Variants in POU2AF2 observed in about 807,000 individuals in gnomAD.
The protein encoded by POU2AF2 is POU domain class 2-associating factor 2.
At chr11:111,268,840 A>T in the POU2AF2 span, among the ~76,000 whole-genome samples, 1 of 151,762 alleles carries the variant, frequency 6.6e-6, no homozygotes, top group Non-Finnish European at 1.5e-5. Flanking sequence ...GAGCCACCGC[A>T]CCCAGCCTCT....
chr11:111,276,439 G>GAAAAAAAAA, the POU2AF2 span, among the ~76,000 whole-genome samples: 15 of 44,440 alleles, frequency 3.4e-4, no homozygotes, highest in African/African-American at 1.0e-3. Context: ...CTACTAAAAA[G>GAAAAAAAAA]AAAAAAAAAA....
the POU2AF2 span, among the ~76,000 whole-genome samples, chr11:111,265,696 G>A: frequency 6.6e-6 from 1 of 152,064 alleles, no homozygotes; most frequent in African/African-American, 2.4e-5. Flanking sequence ...CTCAGCAAAG[G>A]TGTGCCACAC....
the POU2AF2 span, chr11:111,281,528 C>T: frequency 7.1e-7 from 1 of 1,409,658 alleles, no homozygotes; most frequent in African/African-American, 1.4e-5. Flanking sequence ...GACCTTACAA[C>T]ACTTCCAAAA....
chr11:111,268,020 AAAC>A, the POU2AF2 span, among the ~76,000 whole-genome samples: 13 of 152,202 alleles, frequency 8.5e-5, no homozygotes, highest in Non-Finnish European at 2.9e-5. Context: ...TGGTGGTGCT[AAAC>A]AACAATGAAA....
chr11:111,269,740 C>A, the POU2AF2 span, among the ~76,000 whole-genome samples: 1 of 152,054 alleles, frequency 6.6e-6, no homozygotes, highest in Non-Finnish European at 1.5e-5. Flanking sequence ...TGCCAAGATC[C>A]AGGGGTAAAA....
chr11:111,285,658 C>A, the POU2AF2 span: 1 of 1,611,540 alleles, frequency 6.2e-7, no homozygotes. Flanking sequence ...CTCAGAGGGA[C>A]TCATGGGAGC....
At chr11:111,263,751 A>T in the POU2AF2 span, among the ~76,000 whole-genome samples, 1 of 152,080 alleles carries the variant, frequency 6.6e-6, no homozygotes, top group African/African-American at 2.4e-5. Flanking sequence ...ATTCTAAGAC[A>T]TAGAAAACAC....
chr11:111,283,986 A>G, the POU2AF2 span: 2 of 1,211,188 alleles, frequency 1.7e-6, no homozygotes, highest in Non-Finnish European at 2.4e-6. Flanking sequence ...CGTTAGTAAC[A>G]TCGTTTCCCA....
At chr11:111,284,027 A>G in the POU2AF2 span, 1 of 1,569,916 alleles carries the variant, frequency 6.4e-7, no homozygotes, top group East Asian at 2.3e-5. Context: ...CGAGGCCTTG[A>G]CCGCCCTGGG....
the POU2AF2 span, among the ~76,000 whole-genome samples, chr11:111,261,393 C>A: frequency 6.6e-6 from 1 of 152,084 alleles, no homozygotes; most frequent in South Asian, 2.1e-4. Context: ...TCATAAAATT[C>A]AATAACCTCT....
the POU2AF2 span, chr11:111,285,933 A>C: frequency 6.2e-7 from 1 of 1,613,824 alleles, no homozygotes; most frequent in Non-Finnish European, 8.5e-7. Flanking sequence ...CTACCGCCCA[A>C]GGTGGGGCCA....
chr11:111,271,619 T>C, the POU2AF2 span, among the ~76,000 whole-genome samples: 1 of 152,092 alleles, frequency 6.6e-6, no homozygotes, highest in Admixed American at 6.6e-5. Context: ...GATGGGGGTC[T>C]CACTGTCTTG....
At chr11:111,268,491 TATTTTATTTTATTTTA>T in the POU2AF2 span, among the ~76,000 whole-genome samples, 72 of 40,808 alleles carry the variant, frequency 1.8e-3, no homozygotes, top group Non-Finnish European at 3.4e-3. Context: ...TATTTTATTT[TATTTTATTTTATTTTA>T]TTTTATTTTA....
At chr11:111,269,640 T>A in the POU2AF2 span, among the ~76,000 whole-genome samples, 1 of 152,148 alleles carries the variant, frequency 6.6e-6, no homozygotes, top group Non-Finnish European at 1.5e-5. Context: ...AGGGATGTAG[T>A]TCTGCAGATT....
the POU2AF2 span, chr11:111,283,985 C>A: frequency 8.4e-7 from 1 of 1,193,374 alleles, no homozygotes; most frequent in Non-Finnish European, 1.2e-6. Context: ...GCGTTAGTAA[C>A]ATCGTTTCCC....
the POU2AF2 span, among the ~76,000 whole-genome samples, chr11:111,261,174 G>A: frequency 2.7e-5 from 4 of 150,812 alleles, no homozygotes; most frequent in African/African-American, 7.3e-5. Flanking sequence ...TTTCTTTCTT[G>A]AATTTTTCTG....
At chr11:111,267,086 A>T in the POU2AF2 span, among the ~76,000 whole-genome samples, 1 of 152,168 alleles carries the variant, frequency 6.6e-6, no homozygotes, top group African/African-American at 2.4e-5. Flanking sequence ...TCAAGAGATG[A>T]TGCCACACCC....
At chr11:111,258,430 A>C in the POU2AF2 span, among the ~76,000 whole-genome samples, 1 of 152,222 alleles carries the variant, frequency 6.6e-6, no homozygotes. Context: ...ATCATTATCA[A>C]TGCCTGTATA....
chr11:111,251,068 T>C, the POU2AF2 span, among the ~76,000 whole-genome samples: 2 of 152,168 alleles, frequency 1.3e-5, no homozygotes, highest in African/African-American at 2.4e-5. Context: ...GATCATCCTG[T>C]CTACTGTGTT....
Sources: allele counts gnomAD v4.1 joint callset (sites outside exome capture counted in the v4.1 genomes callset), GRCh38; gene constraint gnomAD v4.1.1; transcripts MANE v1.5; gene names NCBI Gene and HGNC (gene_info 2026-07-23, HGNC 2026-07-21).